The following CEP135 variants were observed in gnomAD, a reference collection of about 807,000 sequenced individuals.
CEP135 encodes the protein centrosomal protein 135, also known as centrosomal protein of 135 kDa.
In CEP135, 142 loss-of-function variants were observed where a neutral mutation model predicts 157.3. That is an observed-to-expected ratio of 0.90 (90% CI 0.79 to 1.04). The LOEUF (loss-of-function observed/expected upper bound fraction) is 1.04. Among genes scored for constraint, CEP135 ranks in the 50% least tolerant of loss-of-function variants. The pLI is 0.00. For synonymous variants in CEP135, 396 were observed against 439.8 expected (o/e 0.90, Z 1.25); for missense variants, 1,317 against 1,309.2 (o/e 1.01, Z -0.09).
intron 10 of CEP135, 131 bp from the exon 11 acceptor site, chr4:55,974,612 TACC>T: frequency 1.6e-6 from 1 of 626,348 alleles, no homozygotes; most frequent in Non-Finnish European, 2.7e-6. Context: ...ATAGATTTGG[TACC>T]TACAGGTGTT....
intron 9 of CEP135, 146 bp downstream of exon 9, chr4:55,969,274 A>G (rs774300915): frequency 6.7e-6 from 4 of 598,652 alleles, no homozygotes; most frequent in Non-Finnish European, 8.8e-6. Flanking sequence ...TAAAAATACA[A>G]AAATTAGCTG....
At position 55,988,773 on chromosome 4, in the gene CEP135, C is replaced by T. The variant is rs376133482; in HGVS notation, c.1858-3161C>T. Reference sequence around the variant, plus strand: ...GAGATCGAGACCATCCTGGCTAACACGGTGAAACCCCGTCTCTACTAAAAA... The same window carrying T: ...GAGATCGAGACCATCCTGGCTAACATGGTGAAACCCCGTCTCTACTAAAAA... On this transcript the variant is annotated intron_variant, in intron 14 of 25. Transcript: ENST00000257287. Among the ~76,000 whole-genome samples, 13 of 150,224 alleles carry T rather than the reference C, an allele frequency of 8.7e-5. No homozygotes were observed. In the East Asian group the frequency reaches 1.2e-3, roughly 14 times the overall value.
rs1234890126 is a variant in CEP135, at chr4:55,953,091, A to G, written c.120A>G (p.Leu40=). ...LPLVEKLFSD[L]VHTTESLRQS... is the part of the protein sequence containing the mutation. ...AAATTTTCTGTTCTTTTAGCGACTT[A>G]GTTCATACAACTGAGAGCCTTCGGC... The change falls in exon 3 of 26, where the codon TTA becomes TTG. Residue 40 remains leucine, a synonymous_variant. Coordinates refer to ENST00000257287, the MANE Select transcript of CEP135 (RefSeq NM_025009.5). 9 of 1,569,870 alleles carry G rather than the reference A, an allele frequency of 5.7e-6. No homozygotes were observed. Among genetic ancestry groups the G allele is most frequent in the Admixed American group, 2.1e-5 (1 of 46,568 alleles).
intron 13 of CEP135, among the ~76,000 whole-genome samples, chr4:55,983,211 C>G (rs1031424488): frequency 6.6e-5 from 10 of 152,208 alleles, no homozygotes; most frequent in Admixed American, 3.3e-4. Flanking sequence ...GCACAAGCTA[C>G]TGACTTATCC....
chr4:56,017,052 A>T (rs1730800432), intron 21 of CEP135, among the ~76,000 whole-genome samples: 1 of 152,210 alleles, frequency 6.6e-6, no homozygotes, highest in Non-Finnish European at 1.5e-5. Context: ...ATCAGTTTGT[A>T]TTTATTACTC....
Position 55,971,402 on chromosome 4 carries a change from G to T in CEP135, c.1243G>T (p.Val415Phe). The change falls in exon 10 of 26, where the codon GTT becomes TTT. Residue 415 changes from valine to phenylalanine, a missense_variant. Physicochemically the swap from Val to Phe is conservative, Grantham distance 50 (BLOSUM62 -1). Coordinates refer to ENST00000257287, the MANE Select transcript of CEP135 (RefSeq NM_025009.5). ...TAGCAAAAAAGTTGAAAGTTTTGCA[G>T]TTACAGGTAAGATGTCAAATTTTGA... Reference protein sequence around the residue: ...RLSKKVESFAVTERQLTLEVE... With the variant: ...RLSKKVESFAFTERQLTLEVE... The T allele has an allele frequency of 6.3e-7, 1 of 1,592,226 alleles. No individual in the cohort carries two copies. The highest frequency in any genetic ancestry group is 1.2e-5 in the South Asian group (1 of 86,246).
intron 3 of CEP135, 100 bp from the exon 4 acceptor site, chr4:55,954,116 G>T: frequency 9.4e-7 from 1 of 1,060,242 alleles, no homozygotes; most frequent in Non-Finnish European, 1.3e-6. Flanking sequence ...AGCAGGTGGA[G>T]ACTTTTAAAT....
chr4:56,024,067 T>G (rs1731070991), intron 24 of CEP135, among the ~76,000 whole-genome samples: 1 of 143,562 alleles, frequency 7.0e-6, no homozygotes, highest in East Asian at 2.0e-4. Flanking sequence ...TTACATATAT[T>G]ATATATTATA....
intron 4 of CEP135, among the ~76,000 whole-genome samples, chr4:55,956,964 CAT>C (rs1162569146): frequency 6.6e-6 from 1 of 152,088 alleles, no homozygotes; most frequent in Non-Finnish European, 1.5e-5. Context: ...AGTGGGCAAA[CAT>C]ATTAAGCCTG....
At chr4:56,030,162 A>AG (rs1443986611) in intron 25 of CEP135, among the ~76,000 whole-genome samples, 2 of 152,174 alleles carry the variant, frequency 1.3e-5, no homozygotes. Context: ...AAAGGTATTC[A>AG]GGGGCAATAA....
intron 15 of CEP135, among the ~76,000 whole-genome samples, chr4:55,996,119 CATTTT>C (rs1321361122): frequency 3.9e-5 from 6 of 152,084 alleles, no homozygotes; most frequent in African/African-American, 1.4e-4. Flanking sequence ...AATTGATAAC[CATTTT>C]ATTTTATTTT....
chr4:56,011,559 G>A (rs191768874), intron 20 of CEP135, 37 bp downstream of exon 20: 2 of 1,149,106 alleles, frequency 1.7e-6, no homozygotes. Flanking sequence ...TAAGACTGAG[G>A]TTTTTTTTTT....
Position 55,974,815 on chromosome 4 carries a change from C to T in CEP135, c.1319C>T (p.Pro440Leu), listed in dbSNP as rs754425264. Residue 440 changes from proline to leucine, a missense_variant, in exon 11 of 26, where the codon CCT becomes CTT. Transcript: ENST00000257287. Reference sequence around the variant, plus strand: ...GGAATAAAACGTCGAGACAGGTCACCTTCTCGTTTAGATACATTTCTGAAA... The same window carrying T: ...GGAATAAAACGTCGAGACAGGTCACTTTCTCGTTTAGATACATTTCTGAAA... ...EHGIKRRDRS[P>L]SRLDTFLKGI... 3.1e-6 allele frequency: 5 copies of T among 1,613,824 alleles called. No individual in the cohort carries two copies. In the South Asian group the frequency reaches 5.5e-5, roughly 18 times the overall value.
chr4:55,959,629 A>G, intron 5 of CEP135, 53 bp from the exon 6 acceptor site: 2 of 1,461,800 alleles, frequency 1.4e-6, no homozygotes, highest in South Asian at 1.2e-5. Context: ...TTCGTTTCTT[A>G]TTTTGTATTT....
At chr4:55,993,797 A>G (rs1038365310) in intron 15 of CEP135, among the ~76,000 whole-genome samples, 2 of 152,180 alleles carry the variant, frequency 1.3e-5, no homozygotes, top group African/African-American at 4.8e-5. Flanking sequence ...AACCTAGCCT[A>G]TAGCTCCTTT....
chr4:56,011,545 G>T, intron 20 of CEP135, 23 bp downstream of exon 20: 2 of 1,496,624 alleles, frequency 1.3e-6, no homozygotes, highest in Non-Finnish European at 1.8e-6. Context: ...ATTTAGGTTG[G>T]ATTTAAGACT....
intron 3 of CEP135, 60 bp from the exon 4 acceptor site, chr4:55,954,156 G>A: frequency 6.9e-7 from 1 of 1,441,328 alleles, no homozygotes; most frequent in South Asian, 1.5e-5. Context: ...TTGTGAAATG[G>A]AAAAACTTCA....
chr4:56,008,480 T>A, intron 18 of CEP135, 98 bp downstream of exon 18: 1 of 979,654 alleles, frequency 1.0e-6, no homozygotes, highest in South Asian at 1.5e-5. Flanking sequence ...AGAATTTCCC[T>A]TTCAATTTCC....
chr4:55,949,338 G>A (rs1282078757), intron 1 of CEP135, among the ~76,000 whole-genome samples: 1 of 152,200 alleles, frequency 6.6e-6, no homozygotes, highest in African/African-American at 2.4e-5. Flanking sequence ...GAGCGTCTGT[G>A]TGGGCCGTGC....
Sources: gnomAD v4.1 joint callset for allele counts (sites outside exome capture counted in the v4.1 genomes callset) on GRCh38, gnomAD v4.1.1 for gene constraint, MANE v1.5 for transcripts, NCBI Gene and HGNC (gene_info 2026-07-23, HGNC 2026-07-21) for gene names.